The following ETS1 variants were observed in gnomAD, a reference collection of about 807,000 sequenced individuals.
ETS1 encodes protein C-ets-1.
In ETS1, 15 loss-of-function variants were observed where a neutral mutation model predicts 58.6. That is an observed-to-expected ratio of 0.26 (90% CI 0.17 to 0.39). The LOEUF (loss-of-function observed/expected upper bound fraction) is 0.39, where lower values mean the gene tolerates loss of function less well. Among genes scored for constraint, ETS1 ranks in the 10% least tolerant of loss-of-function variants. ETS1 has a pLI of 1.00. For missense variants in ETS1, 417 were observed against 610.5 expected (o/e 0.68, Z 3.34); for synonymous variants, 214 against 218.2 (o/e 0.98, Z 0.17).
At chr11:128,546,113 T>C (rs1039831679) in intron 3 of ETS1, among the ~76,000 whole-genome samples, 5 of 152,208 alleles carry the variant, frequency 3.3e-5, no homozygotes, top group Non-Finnish European at 5.9e-5. Flanking sequence ...ACCTGATATA[T>C]TGACCAAAGA....
At chr11:128,500,300 G>A (rs535531108) in intron 3 of ETS1, among the ~76,000 whole-genome samples, 1 of 152,306 alleles carries the variant, frequency 6.6e-6, no homozygotes, top group Non-Finnish European at 1.5e-5. Flanking sequence ...AATGGCCTGG[G>A]AAGAGGCAAC....
intron 8 of ETS1, among the ~76,000 whole-genome samples, chr11:128,465,846 ATT>A (rs1452570186): frequency 6.6e-6 from 1 of 152,150 alleles, no homozygotes; most frequent in Non-Finnish European, 1.5e-5. Context: ...CTGTTGTGCT[ATT>A]TGTTTCTACC....
intron 3 of ETS1, chr11:128,529,217 A>C (rs184232339): frequency 6.6e-6 from 1 of 152,332 alleles, no homozygotes; most frequent in East Asian, 1.9e-4. Flanking sequence ...TGCTTACTAC[A>C]AATCCCTTTC....
intron 8 of ETS1, among the ~76,000 whole-genome samples, chr11:128,476,322 T>G (rs893802353): frequency 6.6e-6 from 1 of 152,358 alleles, no homozygotes; most frequent in Non-Finnish European, 1.5e-5. Flanking sequence ...CATATAGTGT[T>G]CATTAGTGAC....
chr11:128,587,170 CAAA>C lies in ETS1; in HGVS notation c.-15+315_-15+317del, dbSNP rs5795624. Among the ~76,000 whole-genome samples, 554 of 139,270 alleles carry C rather than the reference CAAA, an allele frequency of 4.0e-3. 1 individual carries two copies. The highest frequency in any genetic ancestry group is 7.5e-3 in the African/African-American group (286 of 38,228). 91.4% of individuals were successfully genotyped at this position (139,270 alleles called of 152,430 possible). A position where few individuals can be genotyped will look rare whatever the true frequency, so the allele number is the denominator to read the frequency against. ...ATTTCTTTGGAAGTGCTCCAATTTG[CAAA>C]AAAAAAAAAAAAAAATCAGGGTTTC... On this transcript the variant is annotated intron_variant, in intron 1 of 9. Transcript: ENST00000392668.
chr11:128,509,206 C>T (rs1489062554), intron 3 of ETS1, among the ~76,000 whole-genome samples: 3 of 152,224 alleles, frequency 2.0e-5, no homozygotes, highest in Admixed American at 6.5e-5. Flanking sequence ...GAGAGACCTT[C>T]AGAAATCCAG....
At chr11:128,466,680 G>A (rs1192827037) in intron 8 of ETS1, among the ~76,000 whole-genome samples, 2 of 151,434 alleles carry the variant, frequency 1.3e-5, no homozygotes, top group Admixed American at 1.3e-4. Flanking sequence ...TGTCCTCATT[G>A]TGACTTTTCC....
At position 128,512,978 on chromosome 11, in the gene ETS1, C is replaced by T. The variant is rs12293871; in HGVS notation, c.215-22402G>A. ...GAGAACCTGCACTGGAGCTGCCTTC[C>T]GCTGCAACTGCAGCAACGGCTCATG... On this transcript the variant is annotated intron_variant, in intron 3 of 9. Transcript: ENST00000392668. Among the ~76,000 whole-genome samples, 937 of 152,378 alleles carry T rather than the reference C, an allele frequency of 6.1e-3. 4 individuals carry two copies. The highest frequency in any genetic ancestry group is 0.021 in the African/African-American group (890 of 41,604).
rs1865005865 is a variant in ETS1, at chr11:128,585,251, AGGAG to A, written c.-15+2233_-15+2236del. ...GAAAGAAAGAAAGAAAGAAAAAGAA[AGGAG>A]GGAGGGAGGAAAGAAAGAAGGAAAA... is the stretch of plus-strand genomic sequence containing the variant. On this transcript the variant is annotated intron_variant, in intron 1 of 9. Transcript: ENST00000392668. Among the ~76,000 whole-genome samples, 5 of 147,834 alleles carry A rather than the reference AGGAG, an allele frequency of 3.4e-5. No individual in the cohort carries two copies. The South Asian group carries it at 1.1e-3, about 34-fold the overall frequency.
intron 5 of ETS1, among the ~76,000 whole-genome samples, chr11:128,488,887 T>A (rs2135458178): frequency 6.6e-6 from 1 of 152,272 alleles, no homozygotes; most frequent in African/African-American, 2.4e-5. Flanking sequence ...GATGAGGTAT[T>A]ATGGGGCATG....
intron 3 of ETS1, chr11:128,536,526 G>C (rs182119490): frequency 1.3e-5 from 2 of 152,178 alleles, no homozygotes; most frequent in African/African-American, 4.8e-5. Flanking sequence ...ACAGACTGTA[G>C]AGATCTTAAG....
At chr11:128,485,943 G>A in intron 6 of ETS1, 126 bp downstream of exon 6, 1 of 637,544 alleles carries the variant, frequency 1.6e-6, no homozygotes, top group Non-Finnish European at 2.8e-6. Context: ...TAACAAAGAA[G>A]AGTCTACATC....
At position 128,546,171 on chromosome 11, in the gene ETS1, T is replaced by C. The variant is rs76414658; in HGVS notation, c.214+10120A>G. Among the ~76,000 whole-genome samples the C allele has an allele frequency of 4.5e-3, 679 of 152,220 alleles. 8 individuals are homozygous for C. The highest frequency in any genetic ancestry group is 0.016 in the African/African-American group (654 of 41,528). The stretch of plus-strand genomic sequence containing the variant: ...GGAAGTTCAAAGTAGTTGACTTGGG[T>C]TGGGTAATCTGTCTAGACTGGAGAA... On this transcript the variant is annotated intron_variant, in intron 3 of 9. Coordinates refer to ENST00000392668, the MANE Select transcript of ETS1 (RefSeq NM_001143820.2).
At position 128,484,906 on chromosome 11, in the gene ETS1, G is replaced by A. The variant is rs759420818; in HGVS notation, c.779C>T (p.Thr260Ile). Residue 260 changes from threonine (T) to isoleucine (I), a missense_variant, in exon 7 of 10, where the codon ACA becomes ATA. By Grantham distance (89) the Thr-to-Ile change is moderately conservative. Around this residue, in one of 4 missense-constraint regions of ETS1, gnomAD observed 139 missense variants for 152.1 expected, o/e 0.91. Coordinates refer to ENST00000392668, the MANE Select transcript of ETS1 (RefSeq NM_001143820.2). ...PSVILRDPLQTDTLQNDYFAI... is the reference protein window; with the variant it reads ...PSVILRDPLQIDTLQNDYFAI... ...AAAGTAGTCATTCTGCAAGGTGTCTGTCTGGAGAGGGTCTCGGAGAATGAC... is the reference window on the plus strand; with the variant it reads ...AAAGTAGTCATTCTGCAAGGTGTCTATCTGGAGAGGGTCTCGGAGAATGAC... 1.9e-6 allele frequency: 3 copies of A among 1,613,994 alleles called. No individual in the cohort carries two copies. The South Asian group carries it at 3.3e-5, about 18-fold the overall frequency.
intron 3 of ETS1, among the ~76,000 whole-genome samples, chr11:128,521,335 GGAC>G (rs1364904165): frequency 6.6e-6 from 1 of 152,130 alleles, no homozygotes; most frequent in Admixed American, 6.5e-5. Flanking sequence ...GAATAGGGTC[GGAC>G]GTTTCTCAAA....
intron 3 of ETS1, among the ~76,000 whole-genome samples, chr11:128,504,498 T>A (rs182205042): frequency 6.6e-6 from 1 of 152,238 alleles, no homozygotes; most frequent in Non-Finnish European, 1.5e-5. Flanking sequence ...GGATGAAAAG[T>A]GGAGAGAAGG....
intron 6 of ETS1, among the ~76,000 whole-genome samples, 176 bp from the exon 7 acceptor site, chr11:128,485,247 C>T (rs11221324): frequency 0.25 from 38,097 of 152,110 alleles, 5,545 homozygotes; most frequent in Admixed American, 0.4. Flanking sequence ...AGCTTTAGCC[C>T]TTGACAAGGT....
At chr11:128,556,586 T>C (rs1164766760) in intron 2 of ETS1, among the ~76,000 whole-genome samples, 151 bp from the exon 3 acceptor site, 1 of 152,214 alleles carries the variant, frequency 6.6e-6, no homozygotes, top group African/African-American at 2.4e-5. Flanking sequence ...TTTTCTTCCC[T>C]TATCCCCCCA....
rs755152863 is a variant in ETS1 at position 128,480,140 on chromosome 11, C to A, written c.1123+51G>T. ...GTGCAGAGTGCCTTCCAGGACCCCA[C>A]CCACAGAAACGTGCAGATGGAGTTG... On this transcript the variant is annotated intron_variant, in intron 8 of 9. Coordinates refer to ENST00000392668, the MANE Select transcript of ETS1 (RefSeq NM_001143820.2). 4 of 1,597,888 alleles carry A rather than the reference C, an allele frequency of 2.5e-6. No homozygotes were observed. In the African/African-American group the frequency reaches 4.0e-5, roughly 16 times the overall value.
Sources: allele counts gnomAD v4.1 joint callset (sites outside exome capture counted in the v4.1 genomes callset), GRCh38; gene constraint gnomAD v4.1.1; regional missense constraint gnomAD v4.1.1; transcripts MANE v1.5; gene names NCBI Gene and HGNC (gene_info 2026-07-23, HGNC 2026-07-21).